The following GC variants were observed in gnomAD, a reference collection of about 807,000 sequenced individuals.
GC encodes the protein GC vitamin D binding protein.
GC carries 43 observed loss-of-function variants against 56.7 expected under a neutral mutation model. The ratio of observed to expected loss-of-function variants is 0.76; its 90% confidence interval spans 0.59 to 0.98. GC has a LOEUF of 0.98. GC is among the 50% of genes least tolerant of loss of function. The probability of loss-of-function intolerance (pLI) is 0.00; values close to 1 mark genes in which losing one functional copy is unlikely to be tolerated. For synonymous variants in GC, 216 were observed against 202.7 expected (o/e 1.07, Z -0.56); for missense variants, 529 against 545.9 (o/e 0.97, Z 0.31).
chr4:71,803,024 G>T (rs558004781), intron 1 of GC, among the ~76,000 whole-genome samples: 2 of 152,160 alleles, frequency 1.3e-5, no homozygotes, highest in Non-Finnish European at 2.9e-5. Context: ...ATTCAAATGT[G>T]TGAATGAGAT....
chr4:71,742,006 C>T, intron 12 of GC, 136 bp from the exon 13 acceptor site: 1 of 655,108 alleles, frequency 1.5e-6, no homozygotes, highest in South Asian at 1.7e-5. Flanking sequence ...CTAGGATGAC[C>T]CATATATCCA....
Position 71,780,813 on chromosome 4 carries a change from G to A in GC, c.58+3148C>T, listed in dbSNP as rs572347224. Reference sequence around the variant, plus strand: ...GACTGTAAACTAGTTCAACCATTGCGGAAGACAGTGTGACTATTCCTCAAG... The same window carrying A: ...GACTGTAAACTAGTTCAACCATTGCAGAAGACAGTGTGACTATTCCTCAAG... On this transcript the variant is annotated intron_variant, in intron 1 of 12. Coordinates refer to ENST00000273951, the MANE Select transcript of GC (RefSeq NM_000583.4). Among the ~76,000 whole-genome samples, 13 of 152,190 alleles carry A rather than the reference G, an allele frequency of 8.5e-5. 2 individuals are homozygous for A. The South Asian group carries it at 2.1e-3, about 24-fold the overall frequency.
chr4:71,748,317 A>C (rs1181542395), intron 11 of GC, among the ~76,000 whole-genome samples: 1 of 152,094 alleles, frequency 6.6e-6, no homozygotes, highest in East Asian at 1.9e-4. Flanking sequence ...GTTTTTCCTG[A>C]CACAAGAAAG....
chr4:71,757,141 G>A (rs1485524929), intron 7 of GC, among the ~76,000 whole-genome samples: 1 of 152,048 alleles, frequency 6.6e-6, no homozygotes, highest in Non-Finnish European at 1.5e-5. Context: ...GAAAATAATT[G>A]TAGATAAAAC....
chr4:71,804,907 G>A (rs540353775), upstream of GC, among the ~76,000 whole-genome samples: 3 of 73,538 alleles, frequency 4.1e-5, no homozygotes, highest in East Asian at 4.4e-4. Flanking sequence ...TGGTAACAGC[G>A]GGGCTGAGGG....
chr4:71,747,739 T>C (rs1199424233), intron 11 of GC, among the ~76,000 whole-genome samples: 3 of 152,038 alleles, frequency 2.0e-5, no homozygotes, highest in Non-Finnish European at 2.9e-5. Flanking sequence ...GAAAGAAATA[T>C]AGCTAGAGAG....
In GC at chr4:71,769,418, A is replaced by G. The variant is rs1742275905; in HGVS notation, c.59-18T>C. 3.2e-6 allele frequency: 5 copies of G among 1,557,890 alleles called. No individual in the cohort carries two copies. The highest frequency in any genetic ancestry group is 4.4e-6 in the Non-Finnish European group (5 of 1,129,784). On this transcript the variant is annotated intron_variant, in intron 1 of 12. Coordinates refer to ENST00000273951, the MANE Select transcript of GC (RefSeq NM_000583.4). ...ATCCCGGCCTAGGAGGCAGAAATAG[A>G]AAAATTTGTATGTGTCCCCTTTTGA...
chr4:71,756,843 T>C lies in GC; in HGVS notation c.903A>G (p.Gln301=). Residue 301 remains glutamine, a synonymous_variant, in exon 8 of 13, where the codon CAA becomes CAG. Transcript: ENST00000273951. The part of the protein sequence containing the change: ...TKNSKFEDCC[Q]EKTAMDVFVC... The stretch of plus-strand genomic sequence containing the variant: ...CAAAAACGTCCATGGCTGTTTTTTC[T>C]TGACAACAGTCTTCAAACTTAGAAT... 1.2e-6 allele frequency: 2 copies of C among 1,613,430 alleles called. No individual in the cohort carries two copies. The highest frequency in any genetic ancestry group is 2.2e-5 in the East Asian group (1 of 44,870).
At chr4:71,744,222 C>T (rs1741277916) in intron 12 of GC, among the ~76,000 whole-genome samples, 1 of 148,858 alleles carries the variant, frequency 6.7e-6, no homozygotes, top group African/African-American at 2.5e-5. Flanking sequence ...GCGGGCGGAT[C>T]ACGAGGTCAG....
At chr4:71,755,147 C>CATATTTATTTAT in intron 8 of GC, 40 bp from the exon 9 acceptor site, 1 of 334,464 alleles carries the variant, frequency 3.0e-6, no homozygotes, top group Non-Finnish European at 5.1e-6. Flanking sequence ...TTATATATTT[C>CATATTTATTTAT]CTATTTATTT....
rs778401994 is a variant in GC, at chr4:71,756,788, G to A, written c.958C>T (p.Leu320Phe). 6.2e-7 allele frequency: 1 copy of A among 1,613,884 alleles called. No individual in the cohort carries two copies. The highest frequency in any genetic ancestry group is 8.5e-7 in the Non-Finnish European group (1 of 1,179,792). The part of the protein sequence containing the change: ...VCTYFMPAAQ[L>F]PELPDVELPT... ...AACTCTACATCTGGAAGCTCGGGGAGTTGGGCAGCTGGCATGAAGTAAGTG... is the reference window on the plus strand; with the variant it reads ...AACTCTACATCTGGAAGCTCGGGGAATTGGGCAGCTGGCATGAAGTAAGTG... Residue 320 changes from leucine to phenylalanine, a missense_variant, in exon 8 of 13, where the codon CTC becomes TTC. Leu to Phe is a conservative substitution (Grantham distance 22). Coordinates refer to ENST00000273951, the MANE Select transcript of GC (RefSeq NM_000583.4).
upstream of GC, chr4:71,784,222 C>T (rs781138643): frequency 1.6e-6 from 2 of 1,264,474 alleles, no homozygotes; most frequent in Admixed American, 4.1e-5. Context: ...AAAATAATAT[C>T]AATCAAGGTA....
At chr4:71,796,992 G>A (rs1028302626) in intron 1 of GC, among the ~76,000 whole-genome samples, 4 of 152,222 alleles carry the variant, frequency 2.6e-5, no homozygotes, top group Non-Finnish European at 2.9e-5. Context: ...GGTGTCACCA[G>A]TGGAGGCTGC....
intron 1 of GC, among the ~76,000 whole-genome samples, chr4:71,796,145 G>A (rs1202600537): frequency 6.6e-6 from 1 of 152,150 alleles, no homozygotes; most frequent in East Asian, 1.9e-4. Flanking sequence ...GTTGCTTGGA[G>A]TTGCACTTCT....
intron 1 of GC, among the ~76,000 whole-genome samples, chr4:71,803,209 A>G (rs1743291798): frequency 1.3e-5 from 2 of 152,204 alleles, no homozygotes; most frequent in African/African-American, 2.4e-5. Flanking sequence ...TGTAGAATCC[A>G]AAGATTTAAC....
chr4:71,789,023 T>G (rs373972960), upstream of GC, among the ~76,000 whole-genome samples: 7 of 152,038 alleles, frequency 4.6e-5, no homozygotes, highest in Non-Finnish European at 8.8e-5. Context: ...AGCCAGGTAA[T>G]TTGTAGAAAC....
chr4:71,766,213 T>C (rs758949723), intron 3 of GC, among the ~76,000 whole-genome samples: 2 of 152,212 alleles, frequency 1.3e-5, no homozygotes, highest in Non-Finnish European at 2.9e-5. Context: ...GAATTACTCA[T>C]AGAGTGCATA....
chr4:71,771,756 A>G (rs1289586811), intron 1 of GC, among the ~76,000 whole-genome samples: 3 of 152,202 alleles, frequency 2.0e-5, no homozygotes, highest in Non-Finnish European at 4.4e-5. Context: ...AAGGCTGGAT[A>G]TTGTGACACG....
At chr4:71,763,378 C>G (rs1403802779) in intron 6 of GC, 30 bp downstream of exon 6, 7 of 1,183,360 alleles carry the variant, frequency 5.9e-6, no homozygotes, top group Non-Finnish European at 8.8e-6. Flanking sequence ...AACCAAACAT[C>G]TAAATATGAC....
Sources: allele counts gnomAD v4.1 joint callset (sites outside exome capture counted in the v4.1 genomes callset), GRCh38; gene constraint gnomAD v4.1.1; transcripts MANE v1.5; gene names NCBI Gene and HGNC (gene_info 2026-07-23, HGNC 2026-07-21).